Variants in SKOR1 observed in about 807,000 individuals in gnomAD.
SKOR1 encodes SKI family transcriptional corepressor 1.
Under a neutral mutation model 72.4 loss-of-function variants are expected in SKOR1, and 38 were observed. The ratio of observed to expected loss-of-function variants is 0.52; its 90% CI spans 0.40 to 0.69. The LOEUF (loss-of-function observed/expected upper bound fraction) is 0.69. Ranked by LOEUF, SKOR1 falls within the 30% of genes least tolerant of loss-of-function variation. The pLI, the probability that SKOR1 is intolerant of heterozygous loss-of-function variation, is 0.00. For synonymous variants in SKOR1, 642 were observed against 599.4 expected (o/e 1.07, Z -1.04); for missense variants, 1,320 against 1,343.2 (o/e 0.98, Z 0.27).
chr15:67,828,180 C>A lies in SKOR1; in HGVS notation c.2316+36C>A, dbSNP rs778107476. 3.1e-5 allele frequency: 43 copies of A among 1,399,516 alleles called. No homozygotes were observed. In the South Asian group the frequency reaches 6.1e-4, roughly 20 times the overall value. The allele number at this position is 1,399,516 out of a possible 1,614,324, so 86.7% of individuals were successfully genotyped here. On this transcript the variant is annotated intron_variant, in intron 2 of 8. Transcript: ENST00000380035. ...CGCCCGCCCCGCCAGTGGCGCCTTC[C>A]CACCTACCCTGTGCGCGGCAGGGCT...
In SKOR1 at chr15:67,829,217, G is replaced by A; in HGVS notation, c.2355G>A (p.Ala785=). Residue 785 remains alanine, a synonymous_variant, in exon 3 of 9, where the codon GCG becomes GCA. Coordinates refer to ENST00000380035, the MANE Select transcript of SKOR1 (RefSeq NM_001365915.1). ...AGAGGGATGAGCACGTGAAGAGCGC[G>A]GCGGTGGCGCTGGGGCCCGCGGCCT... ...APERDEHVKS[A]AVALGPAASY... The A allele has an allele frequency of 6.3e-7, 1 of 1,576,390 alleles. No homozygotes were observed. Among genetic ancestry groups the A allele is most frequent in the East Asian group, 2.3e-5 (1 of 43,544 alleles).
chr15:67,829,132 G>A (rs1311018723), intron 2 of SKOR1, 47 bp from the exon 3 acceptor site: 4 of 1,479,806 alleles, frequency 2.7e-6, no homozygotes, highest in Non-Finnish European at 3.6e-6. Flanking sequence ...TCTTTGGGCC[G>A]CCGCAGGGCG....
chr15:67,832,503 G>T lies in SKOR1; in HGVS notation c.2663-104G>T, dbSNP rs1160886100. 1.5e-6 allele frequency: 2 copies of T among 1,312,370 alleles called. No homozygotes were observed. The highest frequency in any genetic ancestry group is 2.2e-6 in the Non-Finnish European group (2 of 922,526). The allele number at this position is 1,312,370 out of a possible 1,614,324, so 81.3% of individuals were successfully genotyped here. A position where few individuals can be genotyped will look rare whatever the true frequency, so the allele number is the denominator to read the frequency against. On this transcript the variant is annotated intron_variant, in intron 6 of 8. Coordinates refer to ENST00000380035, the MANE Select transcript of SKOR1 (RefSeq NM_001365915.1). This position sits in a 1 kb window ranked among gnomAD's most constrained non-coding sequence, Gnocchi z 4.5. ...TTTCCAGGGCTGCAGGCGAATGGCT[G>T]GGTGGGAGTTGGGGGTAGGGGTGAA...
Position 67,826,095 on chromosome 15 carries a change from G to T in SKOR1, c.267G>T (p.Ser89=). 4.4e-6 allele frequency: 7 copies of T among 1,599,080 alleles called. No homozygotes were observed. Among genetic ancestry groups the T allele is most frequent in the Non-Finnish European group, 6.0e-6 (7 of 1,169,798 alleles). The change falls in exon 2 of 9, where the codon TCG becomes TCT. Residue 89 remains serine, a synonymous_variant. Transcript: ENST00000380035. ...ETSLYGVPIV[S]LVIDGQERLC... ...CGCTGTACGGGGTGCCCATTGTGTCGCTGGTCATCGACGGCCAGGAGCGCC... is the reference window on the plus strand; with the variant it reads ...CGCTGTACGGGGTGCCCATTGTGTCTCTGGTCATCGACGGCCAGGAGCGCC...
rs1436264267 is a variant in SKOR1, at chr15:67,828,139, G to A, written c.2311G>A (p.Ala771Thr). 5.4e-6 allele frequency: 8 copies of A among 1,468,780 alleles called. No homozygotes were observed. The highest frequency in any genetic ancestry group is 6.2e-6 in the Non-Finnish European group (7 of 1,120,230). 91.0% of individuals were successfully genotyped at this position (1,468,780 alleles called of 1,614,324 possible). Reference protein sequence around the residue: ...PCGPLGGPAPAKVFAPERDEH... With the variant: ...PCGPLGGPAPTKVFAPERDEH... The stretch of plus-strand genomic sequence containing the variant: ...CGGGCCCCTAGGAGGCCCCGCGCCG[G>A]CCAAGGTGAGCCCCGCGCCCGCCCC... The change falls in exon 2 of 9, where the codon GCC becomes ACC. Residue 771 changes from alanine (A) to threonine (T), a missense_variant. By Grantham distance (58) the Ala-to-Thr change is moderately conservative. Around this residue, in one of 3 missense-constraint regions of SKOR1, gnomAD observed 1,099 missense variants for 1,025.5 expected, o/e 1.07. Coordinates refer to ENST00000380035, the MANE Select transcript of SKOR1 (RefSeq NM_001365915.1).
At position 67,832,158 on chromosome 15, in the gene SKOR1, A is replaced by C; in HGVS notation, c.2588-116A>C. On this transcript the variant is annotated intron_variant, in intron 5 of 8. Transcript: ENST00000380035. This position sits in a 1 kb window ranked among gnomAD's most constrained non-coding sequence, Gnocchi z 4.5. Reference sequence around the variant, plus strand: ...TAAAGCCAGAGAGCGGAGGGCCTCCACCTACTGGTCATCCTTCTCAACTCT... The same window carrying C: ...TAAAGCCAGAGAGCGGAGGGCCTCCCCCTACTGGTCATCCTTCTCAACTCT... 1.1e-6 allele frequency: 1 copy of C among 894,336 alleles called. No individual in the cohort carries two copies. The highest frequency in any genetic ancestry group is 1.8e-6 in the Non-Finnish European group (1 of 549,010). 55.4% of individuals were successfully genotyped at this position (894,336 alleles called of 1,614,324 possible).
chr15:67,827,946 C>T lies in SKOR1; in HGVS notation c.2118C>T (p.Asp706=), dbSNP rs201412798. ...GPPSATSSGA[D]GPANSPDGGS... ...CTTCCGCCACCTCCTCTGGCGCGGACGGTCCCGCAAACTCTCCCGACGGCG... is the reference window on the plus strand; with the variant it reads ...CTTCCGCCACCTCCTCTGGCGCGGATGGTCCCGCAAACTCTCCCGACGGCG... The change falls in exon 2 of 9, where the codon GAC becomes GAT. Residue 706 remains aspartate (D), a synonymous_variant. Transcript: ENST00000380035. 2 of 1,571,970 alleles carry T rather than the reference C, an allele frequency of 1.3e-6. No homozygotes were observed. Among genetic ancestry groups the T allele is most frequent in the African/African-American group, 2.7e-5 (2 of 74,010 alleles).
At chr15:67,830,158 G>C in intron 3 of SKOR1, 33 bp from the exon 4 acceptor site, 1 of 1,608,452 alleles carries the variant, frequency 6.2e-7, no homozygotes, top group South Asian at 1.1e-5. Context: ...CGGTTTCTTT[G>C]CCTCTCTTGA....
Position 67,832,724 on chromosome 15 carries a change from C to T in SKOR1, c.2737+43C>T. ...TGAGCTCGTGCACGGGCCGTAACTG[C>T]CTCTCGTCTGGCAGGAGCCGCAATG... On this transcript the variant is annotated intron_variant, in intron 7 of 8. Coordinates refer to ENST00000380035, the MANE Select transcript of SKOR1 (RefSeq NM_001365915.1). The surrounding 1 kb of genome is among the most constrained non-coding windows in gnomAD (Gnocchi z 4.5). The T allele has an allele frequency of 2.0e-6, 3 of 1,531,174 alleles. No individual in the cohort carries two copies. Among genetic ancestry groups the T allele is most frequent in the Non-Finnish European group, 2.7e-6 (3 of 1,105,468 alleles). The allele number at this position is 1,531,174 out of a possible 1,614,324, so 94.8% of individuals were successfully genotyped here.
Position 67,827,793 on chromosome 15 carries a change from C to A in SKOR1, c.1965C>A (p.Thr655=). The change falls in exon 2 of 9, where the codon ACC becomes ACA. Residue 655 remains threonine (T), a synonymous_variant. Transcript: ENST00000380035. ...ATTCCGCCTCGCCCGACGTGGACAC[C>A]GCGGACGAGCCCGAGGTGGACGTGG... The part of the protein sequence containing the change: ...SYNSASPDVD[T]ADEPEVDVES... The A allele has an allele frequency of 6.4e-7, 1 of 1,571,112 alleles. No individual in the cohort carries two copies. Among genetic ancestry groups the A allele is most frequent in the Non-Finnish European group, 8.6e-7 (1 of 1,158,174 alleles).
chr15:67,832,327 C>G lies in SKOR1; in HGVS notation c.2641C>G (p.Arg881Gly), dbSNP rs72751453. 3 of 1,613,808 alleles carry G rather than the reference C, an allele frequency of 1.9e-6. No individual in the cohort carries two copies. The African/African-American group carries it at 4.0e-5, about 22-fold the overall frequency. The stretch of plus-strand genomic sequence containing the variant: ...AATGGAGCTCCGCAAGAAGCTGGAA[C>G]GGGAATTTCAGAGTCTCAAAGGTAC... Reference protein sequence around the residue: ...EQMELRKKLEREFQSLKDNFQ... With the variant: ...EQMELRKKLEGEFQSLKDNFQ... The change falls in exon 6 of 9, where the codon CGG (arginine) becomes GGG (glycine). Residue 881 changes from arginine to glycine, a missense_variant. By Grantham distance (125) the Arg-to-Gly change is moderately radical. Transcript: ENST00000380035. This position sits in a 1 kb window ranked among gnomAD's most constrained non-coding sequence, Gnocchi z 4.5.
Position 67,825,944 on chromosome 15 carries a change from G to A in SKOR1, c.116G>A (p.Gly39Asp). The A allele has an allele frequency of 1.3e-6, 2 of 1,515,730 alleles. No homozygotes were observed. The highest frequency in any genetic ancestry group is 1.8e-6 in the Non-Finnish European group (2 of 1,134,662). The allele number at this position is 1,515,730 out of a possible 1,614,324, so 93.9% of individuals were successfully genotyped here. The change falls in exon 2 of 9, where the codon GGC becomes GAC. Residue 39 changes from glycine to aspartate, a missense_variant. Gly to Asp is a moderately conservative substitution (Grantham distance 94). Coordinates refer to ENST00000380035, the MANE Select transcript of SKOR1 (RefSeq NM_001365915.1). This position sits in a 1 kb window ranked among gnomAD's most constrained non-coding sequence, Gnocchi z 5.6. The part of the protein sequence containing the change: ...LAARAFLRSG[G>D]MEALTTQLGP... The stretch of plus-strand genomic sequence containing the variant: ...CTTTCTCTATTTCGCAGGAGCGGCG[G>A]CATGGAGGCTCTCACCACTCAGCTG...
rs750090201 is a variant in SKOR1 at position 67,826,817 on chromosome 15, A to G, written c.989A>G (p.Glu330Gly). The G allele has an allele frequency of 1.3e-6, 2 of 1,527,480 alleles. No individual in the cohort carries two copies. Among genetic ancestry groups the G allele is most frequent in the East Asian group, 2.5e-5 (1 of 40,532 alleles). The allele number at this position is 1,527,480 out of a possible 1,614,324, so 94.6% of individuals were successfully genotyped here. A position where few individuals can be genotyped will look rare whatever the true frequency, so the allele number is the denominator to read the frequency against. ...CCCCACAAAAGCCTGCGCTGTGGCGAAGATGAGGCTGCCGGGCCTCCGGGG... is the reference window on the plus strand; with the variant it reads ...CCCCACAAAAGCCTGCGCTGTGGCGGAGATGAGGCTGCCGGGCCTCCGGGG... ...PPPHKSLRCG[E>G]DEAAGPPGPP... Residue 330 changes from glutamate to glycine, a missense_variant, in exon 2 of 9, where the codon GAA becomes GGA. Glu to Gly is a moderately conservative substitution (Grantham distance 98, BLOSUM62 -2). Coordinates refer to ENST00000380035, the MANE Select transcript of SKOR1 (RefSeq NM_001365915.1).
chr15:67,833,819 C>G lies in SKOR1; in HGVS notation c.2881C>G (p.Pro961Ala), dbSNP rs758591016. Residue 961 changes from proline (P) to alanine (A), a missense_variant, in exon 9 of 9, where the codon CCA becomes GCA. Coordinates refer to ENST00000380035, the MANE Select transcript of SKOR1 (RefSeq NM_001365915.1). This position sits in a 1 kb window ranked among gnomAD's most constrained non-coding sequence, Gnocchi z 6.0. ...CTGCACTGGCAACTGCTCCTTCAAG[C>G]CACCGCTGTTGCCCTAGGGCCGGCC... ...RHCTGNCSFK[P>A]PLLP 1 of 1,611,460 alleles carries G rather than the reference C, an allele frequency of 6.2e-7. No individual in the cohort carries two copies. Among genetic ancestry groups the G allele is most frequent in the East Asian group, 2.2e-5 (1 of 44,880 alleles).
In SKOR1 at chr15:67,826,290, C is replaced by G; in HGVS notation, c.462C>G (p.Ile154Met). ...TCTCGTCGCGCCGCTGCGGCATGAT[C>G]ACTAAGCGAGAGGCCGAACGCCTGT... ...MPISSRRCGM[I>M]TKREAERLCK... is the part of the protein sequence containing the mutation. The change falls in exon 2 of 9, where the codon ATC becomes ATG. Residue 154 changes from isoleucine to methionine, a missense_variant. Around this residue, in one of 3 missense-constraint regions of SKOR1, gnomAD observed 101 missense variants for 212.8 expected, o/e 0.47. Transcript: ENST00000380035. The G allele has an allele frequency of 6.2e-7, 1 of 1,613,432 alleles. No homozygotes were observed. Among genetic ancestry groups the G allele is most frequent in the South Asian group, 1.1e-5 (1 of 91,074 alleles).
intron 5 of SKOR1, among the ~76,000 whole-genome samples, chr15:67,831,111 C>A (rs1262774720): frequency 6.6e-6 from 1 of 152,156 alleles, no homozygotes; most frequent in African/African-American, 2.4e-5. Context: ...GTAAAACAAA[C>A]CCCCAGAAGT....
rs2090979928 is a variant in SKOR1, at chr15:67,828,115, G to A, written c.2287G>A (p.Gly763Arg). ...GGGYELREPC[G>R]PLGGPAPAKV... ...CGGCTACGAGCTGCGAGAGCCTTGC[G>A]GGCCCCTAGGAGGCCCCGCGCCGGC... is the stretch of plus-strand genomic sequence containing the variant. The change falls in exon 2 of 9, where the codon GGG becomes AGG. Residue 763 changes from glycine (G) to arginine (R), a missense_variant. By Grantham distance (125) the Gly-to-Arg change is moderately radical. Coordinates refer to ENST00000380035, the MANE Select transcript of SKOR1 (RefSeq NM_001365915.1). The A allele has an allele frequency of 1.3e-6, 2 of 1,513,438 alleles. No individual in the cohort carries two copies. Among genetic ancestry groups the A allele is most frequent in the African/African-American group, 2.9e-5 (2 of 69,636 alleles). 93.8% of individuals were successfully genotyped at this position (1,513,438 alleles called of 1,614,324 possible). A position where few individuals can be genotyped will look rare whatever the true frequency, so the allele number is the denominator to read the frequency against.
At chr15:67,830,427 G>A in intron 4 of SKOR1, 129 bp downstream of exon 4, 5 of 785,390 alleles carry the variant, frequency 6.4e-6, no homozygotes, top group Non-Finnish European at 1.0e-5. Flanking sequence ...TTCTTCCTCG[G>A]CGAGCAGATA....
At position 67,829,196 on chromosome 15, in the gene SKOR1, G is replaced by A; in HGVS notation, c.2334G>A (p.Arg778=). The A allele has an allele frequency of 6.4e-7, 1 of 1,571,332 alleles. No individual in the cohort carries two copies. The highest frequency in any genetic ancestry group is 8.6e-7 in the Non-Finnish European group (1 of 1,165,758). The change falls in exon 3 of 9, where the codon AGG becomes AGA. Residue 778 remains arginine (R), a synonymous_variant. Coordinates refer to ENST00000380035, the MANE Select transcript of SKOR1 (RefSeq NM_001365915.1). ...PAPAKVFAPE[R]DEHVKSAAVA... ...CGTCGCAGGTGTTCGCGCCCGAGAG[G>A]GATGAGCACGTGAAGAGCGCGGCGG... is the stretch of plus-strand genomic sequence containing the variant.
Sources: allele counts gnomAD v4.1 joint callset (sites outside exome capture counted in the v4.1 genomes callset), GRCh38; gene constraint gnomAD v4.1.1; regional missense constraint gnomAD v4.1.1; non-coding constraint Gnocchi (gnomAD v3.1); transcripts MANE v1.5; gene names NCBI Gene and HGNC (gene_info 2026-07-23, HGNC 2026-07-21).